CLIC4: variants seen among roughly 807,000 people sequenced by gnomAD.
The protein encoded by CLIC4 is chloride intracellular channel protein 4.
A neutral mutation model predicts 24.6 loss-of-function variants in CLIC4; 13 were observed. The observed-to-expected ratio is 0.53, with a 90% confidence interval of 0.34 to 0.84. The LOEUF is 0.84. CLIC4 is among the 40% of genes least tolerant of loss of function. The probability of loss-of-function intolerance (pLI) is 0.01; values close to 1 mark genes in which losing one functional copy is unlikely to be tolerated. For missense variants in CLIC4, 227 were observed against 301.7 expected, an observed-to-expected ratio of 0.75 and a Z score of 1.83; for synonymous variants, 104 against 111.3, an observed-to-expected ratio of 0.93 and a Z score of 0.41.
chr1:24,799,685 T>C (rs1478953092), intron 2 of CLIC4, among the ~76,000 whole-genome samples: 1 of 121,282 alleles, frequency 8.2e-6, no homozygotes, highest in African/African-American at 3.3e-5. Context: ...AGCCGCCCCG[T>C]CCGGGAGGGA....
intron 1 of CLIC4, among the ~76,000 whole-genome samples, chr1:24,783,507 G>A (rs1639230238): frequency 6.6e-6 from 1 of 152,134 alleles, no homozygotes; most frequent in South Asian, 2.1e-4. Context: ...TTCGAGACCA[G>A]CCTGGGCAAC....
intron 1 of CLIC4, among the ~76,000 whole-genome samples, chr1:24,796,926 G>A (rs1639411135): frequency 6.6e-6 from 1 of 151,370 alleles, no homozygotes; most frequent in African/African-American, 2.4e-5. Flanking sequence ...ATACTAGACT[G>A]GTCATTTTTA....
At chr1:24,748,761 A>C (rs1346564407) in intron 1 of CLIC4, among the ~76,000 whole-genome samples, 2 of 152,052 alleles carry the variant, frequency 1.3e-5, no homozygotes, top group Admixed American at 1.3e-4. Context: ...GGCCTCCCAA[A>C]GTGCTGGGAT....
intron 1 of CLIC4, among the ~76,000 whole-genome samples, chr1:24,787,764 C>G (rs1030148445): frequency 1.1e-4 from 17 of 149,334 alleles, no homozygotes; most frequent in East Asian, 5.9e-4. Context: ...CCAGGATGGT[C>G]TTGATCTCCT....
intron 1 of CLIC4, among the ~76,000 whole-genome samples, chr1:24,779,864 C>T (rs1639182422): frequency 6.6e-6 from 1 of 152,220 alleles, no homozygotes; most frequent in Admixed American, 6.5e-5. Flanking sequence ...ACCACAACTA[C>T]CACAAGAGGC....
In CLIC4 at chr1:24,800,601, A is replaced by G. The variant is rs892285346; in HGVS notation, c.182+2750A>G. ...TCATTGAGAATGGGCCAGGATGACA[A>G]TGGCGGCTTTGTGGAATAGAAAGGC... On this transcript the variant is annotated intron_variant, in intron 2 of 5. Transcript: ENST00000374379. Among the ~76,000 whole-genome samples, 5 of 152,350 alleles carry G rather than the reference A, an allele frequency of 3.3e-5. No individual in the cohort carries two copies. The East Asian group carries it at 9.7e-4, about 29-fold the overall frequency.
At chr1:24,786,084 C>T (rs12043905) in intron 1 of CLIC4, among the ~76,000 whole-genome samples, 8 of 152,152 alleles carry the variant, frequency 5.3e-5, no homozygotes, top group East Asian at 1.9e-4. Context: ...TTACTCTATA[C>T]GCTCCCCAGA....
At chr1:24,772,906 A>G (rs1639087879) in intron 1 of CLIC4, among the ~76,000 whole-genome samples, 2 of 152,240 alleles carry the variant, frequency 1.3e-5, no homozygotes, top group Non-Finnish European at 2.9e-5. Flanking sequence ...TTAATAAAAT[A>G]TTGTATAGCA....
intron 1 of CLIC4, among the ~76,000 whole-genome samples, chr1:24,754,777 A>G (rs1279579390): frequency 2.0e-5 from 3 of 152,046 alleles, no homozygotes; most frequent in Admixed American, 1.3e-4. Context: ...AGAAATAAGA[A>G]ATAACAATGA....
intron 1 of CLIC4, among the ~76,000 whole-genome samples, chr1:24,787,149 A>C (rs1639277974): frequency 6.6e-6 from 1 of 152,052 alleles, no homozygotes; most frequent in African/African-American, 2.4e-5. Context: ...TGGTTTTCTA[A>C]TTTTTAAGAA....
At chr1:24,779,423 T>C (rs1054529019) in intron 1 of CLIC4, among the ~76,000 whole-genome samples, 1 of 152,188 alleles carries the variant, frequency 6.6e-6, no homozygotes, top group Admixed American at 6.5e-5. Context: ...TGAGCCGTGA[T>C]TGCGCCACTG....
intron 1 of CLIC4, among the ~76,000 whole-genome samples, chr1:24,774,919 A>C (rs1557799308): frequency 6.6e-6 from 1 of 151,904 alleles, no homozygotes; most frequent in East Asian, 2.0e-4. Flanking sequence ...GAAAATACAA[A>C]AATTAGCTGG....
At chr1:24,760,774 A>G (rs775165625) in intron 1 of CLIC4, among the ~76,000 whole-genome samples, 1 of 152,172 alleles carries the variant, frequency 6.6e-6, no homozygotes, top group Non-Finnish European at 1.5e-5. Context: ...GAGGCAAACG[A>G]TAAATGCTGG....
At chr1:24,823,961 A>G (rs536121258) in intron 3 of CLIC4, among the ~76,000 whole-genome samples, 1 of 152,292 alleles carries the variant, frequency 6.6e-6, no homozygotes, top group East Asian at 1.9e-4. Flanking sequence ...CTGAAAGTCT[A>G]AATACCCTGG....
chr1:24,750,088 G>C (rs1571226128), intron 1 of CLIC4, among the ~76,000 whole-genome samples: 1 of 151,744 alleles, frequency 6.6e-6, no homozygotes, highest in Admixed American at 6.6e-5. Flanking sequence ...AAATAAATAA[G>C]TAAGTAACTA....
intron 1 of CLIC4, among the ~76,000 whole-genome samples, chr1:24,758,150 G>A (rs2124085963): frequency 6.6e-6 from 1 of 152,140 alleles, no homozygotes; most frequent in Non-Finnish European, 1.5e-5. Flanking sequence ...TATTCATTGT[G>A]TGTATTATGC....
chr1:24,802,651 A>T (rs1222980042), intron 2 of CLIC4, among the ~76,000 whole-genome samples: 1 of 151,842 alleles, frequency 6.6e-6, no homozygotes, highest in African/African-American at 2.4e-5. Flanking sequence ...TCCCCTTCAG[A>T]GAGATAATTT....
chr1:24,837,587 G>T (rs1639898024), intron 4 of CLIC4, among the ~76,000 whole-genome samples: 1 of 152,192 alleles, frequency 6.6e-6, no homozygotes, highest in Non-Finnish European at 1.5e-5. Context: ...AACATCAAAA[G>T]AAAGGACAAT....
intron 1 of CLIC4, among the ~76,000 whole-genome samples, chr1:24,780,020 T>C (rs1332794755): frequency 6.6e-6 from 1 of 152,224 alleles, no homozygotes; most frequent in Non-Finnish European, 1.5e-5. Context: ...TACCCTGTTC[T>C]GGCATTCCTT....
Sources: allele counts gnomAD v4.1 joint callset (sites outside exome capture counted in the v4.1 genomes callset), GRCh38; gene constraint gnomAD v4.1.1; transcripts MANE v1.5; gene names NCBI Gene and HGNC (gene_info 2026-07-23, HGNC 2026-07-21).